The following N4BP2 variants were observed in gnomAD, a reference collection of about 807,000 sequenced individuals.
N4BP2 encodes NEDD4 binding protein 2, also known as NEDD4-binding protein 2.
N4BP2 carries 91 observed loss-of-function variants against 152.8 expected under a neutral mutation model. That is an observed-to-expected ratio of 0.60 (90% CI 0.50 to 0.71). N4BP2 has a LOEUF of 0.71. Ranked by LOEUF, N4BP2 falls within the 30% of genes least tolerant of loss-of-function variation. The pLI, the probability that N4BP2 is intolerant of heterozygous loss-of-function variation, is 0.00. For synonymous variants in N4BP2, 646 were observed against 705.3 expected (o/e 0.92, Z 1.33); for missense variants, 1,923 against 2,059.1 (o/e 0.93, Z 1.28).
intron 14 of N4BP2, among the ~76,000 whole-genome samples, chr4:40,140,874 C>A (rs1389114305): frequency 6.6e-6 from 1 of 150,442 alleles, no homozygotes; most frequent in Non-Finnish European, 1.5e-5. Flanking sequence ...TGAGTGGACA[C>A]AGCACATGTT....
downstream of N4BP2, among the ~76,000 whole-genome samples, chr4:40,159,029 A>G (rs1721784677): frequency 6.6e-6 from 1 of 152,204 alleles, no homozygotes; most frequent in African/African-American, 2.4e-5. Flanking sequence ...TATATGTTAT[A>G]TTTTAAATCT....
intron 2 of N4BP2, 96 bp downstream of exon 2, chr4:40,073,647 AC>A (rs1215022058): frequency 1.3e-5 from 2 of 151,692 alleles, no homozygotes; most frequent in African/African-American, 4.8e-5. Context: ...AAGCTGAAGT[AC>A]AGTGGCGCAA....
At chr4:40,059,118 C>T (rs1733457488) in intron 1 of N4BP2, among the ~76,000 whole-genome samples, 1 of 152,098 alleles carries the variant, frequency 6.6e-6, no homozygotes, top group African/African-American at 2.4e-5. Context: ...CCACGCCCGC[C>T]CGGCCGTTTT....
At chr4:40,079,206 G>A (rs1713101991) in intron 2 of N4BP2, among the ~76,000 whole-genome samples, 1 of 152,128 alleles carries the variant, frequency 6.6e-6, no homozygotes, top group Non-Finnish European at 1.5e-5. Context: ...ATAGGCATAA[G>A]CCACTGTGCC....
In N4BP2 at chr4:40,121,008, A is replaced by C. The variant is rs374862729; in HGVS notation, c.2897A>C (p.Lys966Thr). The C allele has an allele frequency of 3.0e-5, 49 of 1,614,004 alleles. No homozygotes were observed. The highest frequency in any genetic ancestry group is 4.2e-5 in the Non-Finnish European group (49 of 1,180,026). ...TGTGAGAGTCAGACTTGTCTAAGTA[A>C]AAAGAGTCATGGGCAACACACATCG... ...MTCESQTCLS[K>T]KSHGQHTSLP... Residue 966 changes from lysine (K) to threonine (T), a missense_variant, in exon 9 of 18, where the codon AAA becomes ACA. Lys to Thr is a moderately conservative substitution (Grantham distance 78, BLOSUM62 -1). Coordinates refer to ENST00000261435, the MANE Select transcript of N4BP2 (RefSeq NM_018177.6).
intron 1 of N4BP2, among the ~76,000 whole-genome samples, chr4:40,064,586 ATT>A (rs1232484973): frequency 2.6e-5 from 4 of 151,898 alleles, no homozygotes; most frequent in Non-Finnish European, 5.9e-5. Context: ...ACAAGTATTT[ATT>A]GAGCTCTTGT....
chr4:40,105,856 A>G (rs1261855868), intron 4 of N4BP2, among the ~76,000 whole-genome samples: 1 of 152,192 alleles, frequency 6.6e-6, no homozygotes, highest in Admixed American at 6.6e-5. Context: ...CAGCCTAGTT[A>G]GAATTTTTAA....
chr4:40,129,550 G>C (rs1718725958), intron 12 of N4BP2, among the ~76,000 whole-genome samples: 1 of 151,990 alleles, frequency 6.6e-6, no homozygotes, highest in Non-Finnish European at 1.5e-5. Context: ...CTGTAGATTG[G>C]GTAATATAAT....
chr4:40,097,737 G>A (rs1450040799), intron 3 of N4BP2, among the ~76,000 whole-genome samples, 168 bp downstream of exon 3: 3 of 152,164 alleles, frequency 2.0e-5, no homozygotes, highest in Non-Finnish European at 4.4e-5. Context: ...TGGTATTTGG[G>A]ATATGAAGAA....
chr4:40,064,464 G>A (rs570182122), intron 1 of N4BP2, among the ~76,000 whole-genome samples: 7 of 152,080 alleles, frequency 4.6e-5, no homozygotes, highest in South Asian at 4.1e-4. Context: ...TAGTAGAGAC[G>A]GGGTTTTGCC....
intron 16 of N4BP2, among the ~76,000 whole-genome samples, chr4:40,151,074 G>A (rs1020342552): frequency 2.6e-5 from 4 of 152,258 alleles, no homozygotes; most frequent in South Asian, 2.1e-4. Flanking sequence ...TTTGGGAAAC[G>A]AAACATATAC....
chr4:40,148,128 G>C (rs987206537), intron 16 of N4BP2, among the ~76,000 whole-genome samples: 2 of 152,182 alleles, frequency 1.3e-5, no homozygotes, highest in Admixed American at 6.5e-5. Flanking sequence ...GTAGCGAGCC[G>C]AGATCACGCC....
chr4:40,168,135 C>T, the N4BP2 span, among the ~76,000 whole-genome samples: 1 of 151,688 alleles, frequency 6.6e-6, no homozygotes, highest in Non-Finnish European at 1.5e-5. Flanking sequence ...GTAACTTGAT[C>T]ATACCAGTAT....
At chr4:40,110,086 T>C (rs137904368) in intron 5 of N4BP2, among the ~76,000 whole-genome samples, 99 of 152,388 alleles carry the variant, frequency 6.5e-4, no homozygotes, top group African/African-American at 2.3e-3. Context: ...ATGTGGACTT[T>C]TGTGATTGGC....
intron 3 of N4BP2, among the ~76,000 whole-genome samples, chr4:40,099,411 T>A (rs1269701050): frequency 6.7e-6 from 1 of 149,316 alleles, no homozygotes; most frequent in Non-Finnish European, 1.5e-5. Context: ...CCTGGCTAAT[T>A]TTTTTTTTTG....
chr4:40,064,831 G>A (rs563678204), intron 1 of N4BP2, among the ~76,000 whole-genome samples: 1 of 152,020 alleles, frequency 6.6e-6, no homozygotes, highest in African/African-American at 2.4e-5. Flanking sequence ...GTGCAGTGGT[G>A]TGATCTCGGC....
intron 2 of N4BP2, among the ~76,000 whole-genome samples, chr4:40,089,144 G>A (rs559252757): frequency 6.6e-6 from 1 of 151,224 alleles, no homozygotes; most frequent in African/African-American, 2.4e-5. Context: ...CATAGAGACA[G>A]GGTCTCACTA....
At chr4:40,111,881 G>C (rs1277085470) in intron 5 of N4BP2, among the ~76,000 whole-genome samples, 2 of 152,222 alleles carry the variant, frequency 1.3e-5, no homozygotes, top group East Asian at 3.8e-4. Flanking sequence ...TTCCCAAAGT[G>C]CTGGGATTAT....
chr4:40,146,275 C>G (rs1720511660), intron 16 of N4BP2, among the ~76,000 whole-genome samples: 1 of 152,150 alleles, frequency 6.6e-6, no homozygotes, highest in Non-Finnish European at 1.5e-5. Context: ...CCTCTCCAGT[C>G]TCACCCTGTG....
Sources: gnomAD v4.1 joint callset for allele counts (sites outside exome capture counted in the v4.1 genomes callset) on GRCh38, gnomAD v4.1.1 for gene constraint, MANE v1.5 for transcripts, NCBI Gene and HGNC (gene_info 2026-07-23, HGNC 2026-07-21) for gene names.